Variants in DRD1 observed in about 807,000 individuals in gnomAD.
DRD1 encodes the protein D(1A) dopamine receptor.
DRD1 carries 2 observed loss-of-function variants against 23.8 expected under a neutral mutation model. That is an observed-to-expected ratio of 0.08 (90% confidence interval 0.03 to 0.26). DRD1 has a LOEUF of 0.26. Among genes scored for constraint, DRD1 ranks in the 10% least tolerant of loss-of-function variants. The probability of loss-of-function intolerance (pLI) is 1.00; values close to 1 mark genes in which losing one functional copy is unlikely to be tolerated. For synonymous variants in DRD1, 218 were observed against 225.7 expected (o/e 0.97, Z 0.30); for missense variants, 376 against 559.0 (o/e 0.67, Z 3.30).
Position 175,442,693 on chromosome 5 carries a change from G to A in DRD1, c.407C>T (p.Thr136Ile). 6.2e-7 allele frequency: 1 copy of A among 1,614,112 alleles called. No individual in the cohort carries two copies. The highest frequency in any genetic ancestry group is 1.3e-5 in the African/African-American group (1 of 75,002). Residue 136 changes from threonine (T) to isoleucine (I), a missense_variant, in exon 2 of 2, where the codon ACC becomes ATC. Physicochemically the swap from Thr to Ile is moderately conservative, Grantham distance 89 (BLOSUM62 -1). This residue lies in a region of DRD1 where 121 missense variants were observed against 239.4 expected (regional missense o/e 0.51). Coordinates refer to ENST00000393752, the MANE Select transcript of DRD1 (RefSeq NM_000794.5). The surrounding 1 kb of genome is among the most constrained non-coding windows in gnomAD (Gnocchi z 7.3). The stretch of plus-strand genomic sequence containing the variant: ...GATCAGGATGAAGGCTGCCTTGGGG[G>A]TCATCTTTCTCTCATACCGGAAAGG... The part of the protein sequence containing the change: ...SSPFRYERKM[T>I]PKAAFILISV...
chr5:175,442,589 G>T lies in DRD1; in HGVS notation c.511C>A (p.Pro171Thr). 6.2e-7 allele frequency: 1 copy of T among 1,614,152 alleles called. No individual in the cohort carries two copies. Among genetic ancestry groups the T allele is most frequent in the Non-Finnish European group, 8.5e-7 (1 of 1,180,030 alleles). ...LSWHKAKPTS[P>T]SDGNATSLAE... ...AGGGAAGTGGCATTTCCATCAGAGGGGCTTGTGGGTTTTGCCTTGTGCCAG... is the reference window on the plus strand; with the variant it reads ...AGGGAAGTGGCATTTCCATCAGAGGTGCTTGTGGGTTTTGCCTTGTGCCAG... Residue 171 changes from proline to threonine, a missense_variant, in exon 2 of 2, where the codon CCC (proline) becomes ACC (threonine). By Grantham distance (38) the Pro-to-Thr change is conservative. Coordinates refer to ENST00000393752, the MANE Select transcript of DRD1 (RefSeq NM_000794.5). This position sits in a 1 kb window ranked among gnomAD's most constrained non-coding sequence, Gnocchi z 7.3.
Position 175,442,122 on chromosome 5 carries a change from C to A in DRD1, c.978G>T (p.Leu326Phe). The A allele has an allele frequency of 6.2e-7, 1 of 1,614,070 alleles. No homozygotes were observed. Among genetic ancestry groups the A allele is most frequent in the Non-Finnish European group, 8.5e-7 (1 of 1,180,016 alleles). Reference protein sequence around the residue: ...FVWFGWANSSLNPIIYAFNAD... With the variant: ...FVWFGWANSSFNPIIYAFNAD... ...CATTAAAGGCATAAATGATGGGGTT[C>A]AAGGATGAATTAGCCCACCCAAACC... Residue 326 changes from leucine (L) to phenylalanine (F), a missense_variant, in exon 2 of 2, where the codon TTG becomes TTT. Leu to Phe is a conservative substitution (Grantham distance 22, BLOSUM62 0). Around this residue, in one of 5 missense-constraint regions of DRD1, gnomAD observed 47 missense variants for 106.7 expected, o/e 0.44. Transcript: ENST00000393752. The surrounding 1 kb of genome is among the most constrained non-coding windows in gnomAD (Gnocchi z 7.3).
In DRD1 at chr5:175,443,266, G is replaced by T; in HGVS notation, c.-167C>A. The T allele has an allele frequency of 1.2e-6, 1 of 837,082 alleles. No individual in the cohort carries two copies. Among genetic ancestry groups the T allele is most frequent in the Non-Finnish European group, 1.9e-6 (1 of 539,440 alleles). The allele number at this position is 837,082 out of a possible 1,614,324, so 51.9% of individuals were successfully genotyped here. On this transcript the variant is annotated 5_prime_UTR_variant, in exon 2 of 2. Coordinates refer to ENST00000393752, the MANE Select transcript of DRD1 (RefSeq NM_000794.5). Reference sequence around the variant, plus strand: ...CCAACATTCCATGAGAGGACCGCTTGAGTGGCAATCCAAGTCAATCCCGTG... The same window carrying T: ...CCAACATTCCATGAGAGGACCGCTTTAGTGGCAATCCAAGTCAATCCCGTG...
chr5:175,443,090 G>T lies in DRD1; in HGVS notation c.10C>A (p.Leu4Met). Residue 4 changes from leucine to methionine, a missense_variant, in exon 2 of 2, where the codon CTG (leucine) becomes ATG (methionine). This residue lies in a region of DRD1 where 47 missense variants were observed against 39.4 expected (regional missense o/e 1.19). Transcript: ENST00000393752. ...GTCCCGTCCATGGCAGAGGTGTTCAGAGTCCTCATCTTCCTAAGAGAAAGC... is the reference window on the plus strand; with the variant it reads ...GTCCCGTCCATGGCAGAGGTGTTCATAGTCCTCATCTTCCTAAGAGAAAGC... Reference protein sequence around the residue: MRTLNTSAMDGTGL... With the variant: MRTMNTSAMDGTGL... The T allele has an allele frequency of 2.5e-6, 4 of 1,613,702 alleles. No homozygotes were observed. The highest frequency in any genetic ancestry group is 3.4e-6 in the Non-Finnish European group (4 of 1,179,772).
rs775260576 is a variant in DRD1 at position 175,441,979 on chromosome 5, T to C, written c.1121A>G (p.His374Arg). 5 of 1,614,062 alleles carry C rather than the reference T, an allele frequency of 3.1e-6. No homozygotes were observed. Among genetic ancestry groups the C allele is most frequent in the Non-Finnish European group, 2.5e-6 (3 of 1,180,046 alleles). Residue 374 changes from histidine (H) to arginine (R), a missense_variant, in exon 2 of 2, where the codon CAT (histidine) becomes CGT (arginine). Transcript: ENST00000393752. ...GGAGATGGAGCCTCGTGGCTCATGATGGCTGGAAAACATCGCGGCCCCATT... is the reference window on the plus strand; with the variant it reads ...GGAGATGGAGCCTCGTGGCTCATGACGGCTGGAAAACATCGCGGCCCCATT... Reference protein sequence around the residue: ...NNNGAAMFSSHHEPRGSISKE... With the variant: ...NNNGAAMFSSRHEPRGSISKE...
Position 175,441,567 on chromosome 5 carries a change from G to T in DRD1, c.*192C>A. The T allele has an allele frequency of 1.6e-6, 1 of 619,058 alleles. No homozygotes were observed. The highest frequency in any genetic ancestry group is 2.6e-6 in the Non-Finnish European group (1 of 388,746). The allele number at this position is 619,058 out of a possible 1,614,324, so 38.3% of individuals were successfully genotyped here. ...CCCCATGTTTGTAGTGTCCCTGTTT[G>T]ATTGACTATGAACAACACAGAAAAT... On this transcript the variant is annotated 3_prime_UTR_variant, in exon 2 of 2. Coordinates refer to ENST00000393752, the MANE Select transcript of DRD1 (RefSeq NM_000794.5).
In DRD1 at chr5:175,442,512, G is replaced by A. The variant is rs919915412; in HGVS notation, c.588C>T (p.Ile196=). Residue 196 remains isoleucine, a synonymous_variant, in exon 2 of 2, where the codon ATC becomes ATT. Coordinates refer to ENST00000393752, the MANE Select transcript of DRD1 (RefSeq NM_000794.5). This position sits in a 1 kb window ranked among gnomAD's most constrained non-coding sequence, Gnocchi z 7.3. The part of the protein sequence containing the change: ...CDSSLSRTYA[I]SSSVISFYIP... Reference sequence around the variant, plus strand: ...TGTAAAAGCTTATTACAGAGGATGAGATGGCATATGTCCTGCTGAGGCTGG... The same window carrying A: ...TGTAAAAGCTTATTACAGAGGATGAAATGGCATATGTCCTGCTGAGGCTGG... 1.7e-5 allele frequency: 28 copies of A among 1,614,108 alleles called. No individual in the cohort carries two copies. The highest frequency in any genetic ancestry group is 2.3e-5 in the Non-Finnish European group (27 of 1,180,056).
Position 175,442,034 on chromosome 5 carries a change from T to C in DRD1, c.1066A>G (p.Asn356Asp). Residue 356 changes from asparagine to aspartate, a missense_variant, in exon 2 of 2, where the codon AAT becomes GAT. Transcript: ENST00000393752. The surrounding 1 kb of genome is among the most constrained non-coding windows in gnomAD (Gnocchi z 7.3). ...GCYRLCPATN[N>D]AIETVSINNN... ...TTGATACTCACCGTCTCTATGGCAT[T>C]ATTCGTCGCAGGGCAAAGTCTGTAG... 3.7e-6 allele frequency: 6 copies of C among 1,614,158 alleles called. No individual in the cohort carries two copies. The highest frequency in any genetic ancestry group is 5.1e-6 in the Non-Finnish European group (6 of 1,180,028).
Position 175,441,732 on chromosome 5 carries a change from C to A in DRD1, c.*27G>T. On this transcript the variant is annotated 3_prime_UTR_variant, in exon 2 of 2. Coordinates refer to ENST00000393752, the MANE Select transcript of DRD1 (RefSeq NM_000794.5). ...AATCTCCTCTAGCTTTTGGGATGAG[C>A]ATGTGTGGCAGGATTCATCTGCGAG... 6.5e-7 allele frequency: 1 copy of A among 1,536,468 alleles called. No homozygotes were observed. Among genetic ancestry groups the A allele is most frequent in the Non-Finnish European group, 8.7e-7 (1 of 1,144,126 alleles).
chr5:175,440,249 C>T lies in DRD1; in HGVS notation c.*1510G>A, dbSNP rs1677920409. 1 of 151,984 alleles carries T rather than the reference C, an allele frequency of 6.6e-6. No homozygotes were observed. Among genetic ancestry groups the T allele is most frequent in the African/African-American group, 2.4e-5 (1 of 41,338 alleles). The allele number at this position is 151,984 out of a possible 1,614,324, so 9.4% of individuals were successfully genotyped here. A position where few individuals can be genotyped will look rare whatever the true frequency, so the allele number is the denominator to read the frequency against. On this transcript the variant is annotated 3_prime_UTR_variant, in exon 2 of 2. Coordinates refer to ENST00000393752, the MANE Select transcript of DRD1 (RefSeq NM_000794.5). ...TCAAAGAAACTCTGTTGAAATGCCC[C>T]ACGAGTTGGCATCTGGCAAGGGAGG...
In DRD1 at chr5:175,442,364, C is replaced by CAG; in HGVS notation, c.735_736insCT (p.Gly246LeufsTer27). ...GAACATTCGACAGGCTTTCCATTAC[C>CAG]TGTGGTGGTCTGGCAATTCTTGGCG... is the stretch of plus-strand genomic sequence containing the variant. On this transcript the variant is annotated frameshift_variant, in exon 2 of 2. Coordinates refer to ENST00000393752, the MANE Select transcript of DRD1 (RefSeq NM_000794.5). LOFTEE classifies it high-confidence loss of function. The surrounding 1 kb of genome is among the most constrained non-coding windows in gnomAD (Gnocchi z 7.3). The CAG allele has an allele frequency of 6.2e-7, 1 of 1,614,140 alleles. No homozygotes were observed. The highest frequency in any genetic ancestry group is 8.5e-7 in the Non-Finnish European group (1 of 1,180,038).
chr5:175,442,502 C>T lies in DRD1; in HGVS notation c.598G>A (p.Val200Ile), dbSNP rs1339805801. 1.1e-5 allele frequency: 17 copies of T among 1,614,048 alleles called. No homozygotes were observed. The highest frequency in any genetic ancestry group is 1.4e-5 in the Non-Finnish European group (17 of 1,180,038). Reference sequence around the variant, plus strand: ...GCCACAGGGATGTAAAAGCTTATTACAGAGGATGAGATGGCATATGTCCTG... The same window carrying T: ...GCCACAGGGATGTAAAAGCTTATTATAGAGGATGAGATGGCATATGTCCTG... ...LSRTYAISSS[V>I]ISFYIPVAIM... The change falls in exon 2 of 2, where the codon GTA becomes ATA. Residue 200 changes from valine to isoleucine, a missense_variant. Physicochemically the swap from Val to Ile is conservative, Grantham distance 29. Coordinates refer to ENST00000393752, the MANE Select transcript of DRD1 (RefSeq NM_000794.5). The surrounding 1 kb of genome is among the most constrained non-coding windows in gnomAD (Gnocchi z 7.3).
At position 175,442,082 on chromosome 5, in the gene DRD1, C is replaced by T; in HGVS notation, c.1018G>A (p.Ala340Thr). 1 of 1,614,150 alleles carries T rather than the reference C, an allele frequency of 6.2e-7. No homozygotes were observed. The highest frequency in any genetic ancestry group is 8.5e-7 in the Non-Finnish European group (1 of 1,180,028). ...TAGCATCCTAAGAGGGTTGAAAATG[C>T]CTTCCGAAAATCAGCATTAAAGGCA... Reference protein sequence around the residue: ...IYAFNADFRKAFSTLLGCYRL... With the variant: ...IYAFNADFRKTFSTLLGCYRL... The change falls in exon 2 of 2, where the codon GCA becomes ACA. Residue 340 changes from alanine to threonine, a missense_variant. Ala to Thr is a moderately conservative substitution (Grantham distance 58). Transcript: ENST00000393752. This position sits in a 1 kb window ranked among gnomAD's most constrained non-coding sequence, Gnocchi z 7.3.
chr5:175,441,510 A>C lies in DRD1; in HGVS notation c.*249T>G. ...AGATAAGAATAAATTTCTAAAAACAATTCTGAAGCCAAAGACATGTCCCTT... is the reference window on the plus strand; with the variant it reads ...AGATAAGAATAAATTTCTAAAAACACTTCTGAAGCCAAAGACATGTCCCTT... On this transcript the variant is annotated 3_prime_UTR_variant, in exon 2 of 2. Coordinates refer to ENST00000393752, the MANE Select transcript of DRD1 (RefSeq NM_000794.5). 2 of 395,340 alleles carry C rather than the reference A, an allele frequency of 5.1e-6. No homozygotes were observed. The highest frequency in any genetic ancestry group is 8.9e-6 in the Non-Finnish European group (2 of 225,064). The allele number at this position is 395,340 out of a possible 1,614,324, so 24.5% of individuals were successfully genotyped here. A position where few individuals can be genotyped will look rare whatever the true frequency, so the allele number is the denominator to read the frequency against.
At position 175,442,212 on chromosome 5, in the gene DRD1, G is replaced by A. The variant is rs1287088368; in HGVS notation, c.888C>T (p.Pro296=). 9 of 1,613,992 alleles carry A rather than the reference G, an allele frequency of 5.6e-6. No homozygotes were observed. The East Asian group carries it at 1.8e-4, about 32-fold the overall frequency. ...LPFFILNCIL[P]FCGSGETQPF... ...GCTGCGTCTCCCCAGACCCACAGAA[G>A]GGCAAAATGCAGTTCAAGATGAAGA... The change falls in exon 2 of 2, where the codon CCC becomes CCT. Residue 296 remains proline (P), a synonymous_variant. Transcript: ENST00000393752. This position sits in a 1 kb window ranked among gnomAD's most constrained non-coding sequence, Gnocchi z 7.3.
At position 175,442,171 on chromosome 5, in the gene DRD1, G is replaced by C; in HGVS notation, c.929C>G (p.Ser310Cys). 6.2e-7 allele frequency: 1 copy of C among 1,614,188 alleles called. No individual in the cohort carries two copies. The highest frequency in any genetic ancestry group is 8.5e-7 in the Non-Finnish European group (1 of 1,180,040). The change falls in exon 2 of 2, where the codon TCC (serine) becomes TGC (cysteine). Residue 310 changes from serine (S) to cysteine (C), a missense_variant. By Grantham distance (112) the Ser-to-Cys change is moderately radical. Around this residue, in one of 5 missense-constraint regions of DRD1, gnomAD observed 47 missense variants for 106.7 expected, o/e 0.44. Coordinates refer to ENST00000393752, the MANE Select transcript of DRD1 (RefSeq NM_000794.5). The surrounding 1 kb of genome is among the most constrained non-coding windows in gnomAD (Gnocchi z 7.3). ...CCACACAAACACGTCAAAGGTGTTG[G>C]AATCAATGCAGAAGGGCTGCGTCTC... Reference protein sequence around the residue: ...SGETQPFCIDSNTFDVFVWFG... With the variant: ...SGETQPFCIDCNTFDVFVWFG...
Position 175,442,028 on chromosome 5 carries a change from T to C in DRD1, c.1072A>G (p.Ile358Val). 4 of 1,614,168 alleles carry C rather than the reference T, an allele frequency of 2.5e-6. No individual in the cohort carries two copies. The highest frequency in any genetic ancestry group is 3.4e-6 in the Non-Finnish European group (4 of 1,180,038). Residue 358 changes from isoleucine (I) to valine (V), a missense_variant, in exon 2 of 2, where the codon ATA (isoleucine) becomes GTA (valine). Around this residue, in one of 5 missense-constraint regions of DRD1, gnomAD observed 117 missense variants for 126.9 expected, o/e 0.92. Coordinates refer to ENST00000393752, the MANE Select transcript of DRD1 (RefSeq NM_000794.5). This position sits in a 1 kb window ranked among gnomAD's most constrained non-coding sequence, Gnocchi z 7.3. ...TTGTTATTGATACTCACCGTCTCTA[T>C]GGCATTATTCGTCGCAGGGCAAAGT... ...YRLCPATNNAIETVSINNNGA... is the reference protein window; with the variant it reads ...YRLCPATNNAVETVSINNNGA...
rs770336294 is a variant in DRD1, at chr5:175,442,578, T to G, written c.522A>C (p.Gly174=). The change falls in exon 2 of 2, where the codon GGA becomes GGC. Residue 174 remains glycine, a synonymous_variant. Transcript: ENST00000393752. The surrounding 1 kb of genome is among the most constrained non-coding windows in gnomAD (Gnocchi z 7.3). The stretch of plus-strand genomic sequence containing the variant: ...TGGTCTCAGCCAGGGAAGTGGCATT[T>G]CCATCAGAGGGGCTTGTGGGTTTTG... ...HKAKPTSPSD[G]NATSLAETID... is the part of the protein sequence containing the mutation. 11 of 1,614,054 alleles carry G rather than the reference T, an allele frequency of 6.8e-6. No homozygotes were observed. The highest frequency in any genetic ancestry group is 3.3e-5 in the Admixed American group (2 of 59,998).
In DRD1 at chr5:175,443,104, C is replaced by T. The variant is rs1428074761; in HGVS notation, c.-5G>A. ...AGAGGTGTTCAGAGTCCTCATCTTC[C>T]TAAGAGAAAGCACATCAGGGGCTCT... On this transcript the variant is annotated 5_prime_UTR_variant, in exon 2 of 2. Transcript: ENST00000393752. The T allele has an allele frequency of 1.2e-6, 2 of 1,611,132 alleles. No individual in the cohort carries two copies. Among genetic ancestry groups the T allele is most frequent in the African/African-American group, 2.7e-5 (2 of 74,822 alleles).
Sources: gnomAD v4.1 joint callset for allele counts on GRCh38, gnomAD v4.1.1 for gene constraint, gnomAD v4.1.1 regional missense constraint, Gnocchi (gnomAD v3.1) non-coding constraint, MANE v1.5 for transcripts, NCBI Gene and HGNC (gene_info 2026-07-23, HGNC 2026-07-21) for gene names.